Variants in TIA1 observed in about 807,000 individuals in gnomAD.
TIA1 encodes cytotoxic granule associated RNA binding protein TIA1.
TIA1 carries 23 observed loss-of-function variants against 65.9 expected under a neutral mutation model. The ratio of observed to expected loss-of-function variants is 0.35; its 90% CI spans 0.25 to 0.49. TIA1 has a LOEUF of 0.49. Ranked by LOEUF, TIA1 falls within the 20% of genes least tolerant of loss-of-function variation. The pLI is 0.98. For synonymous variants in TIA1, 147 were observed against 149.4 expected (o/e 0.98, Z 0.12); for missense variants, 371 against 477.9 (o/e 0.78, Z 2.09).
chr2:70,241,338 A>G (rs537839463), intron 1 of TIA1, among the ~76,000 whole-genome samples: 2 of 152,166 alleles, frequency 1.3e-5, no homozygotes, highest in African/African-American at 2.4e-5. Context: ...GCTACTAGGG[A>G]GGCCGAGGCA....
At chr2:70,238,260 GTTTTTTTTTT>G (rs763865705) in intron 1 of TIA1, among the ~76,000 whole-genome samples, 3 of 94,596 alleles carry the variant, frequency 3.2e-5, no homozygotes, top group African/African-American at 4.5e-5. Flanking sequence ...GTTCCCCCAA[GTTTTTTTTTT>G]TTTTTTTTTT....
intron 7 of TIA1, among the ~76,000 whole-genome samples, chr2:70,218,993 G>A (rs995001411): frequency 2.0e-5 from 3 of 152,086 alleles, no homozygotes; most frequent in Non-Finnish European, 4.4e-5. Context: ...ATTGAAATGC[G>A]GAGAAAGACT....
In TIA1 at chr2:70,212,772, T is replaced by G; in HGVS notation, c.1108A>C (p.Met370Leu). ...TACCCAGAAGGCTGATTGGGCAACA[T>G]GCTGCCATTTTGCCCTTGAGGCGGT... ...VQPPQGQNGS[M>L]LPNQPSGYRV... The change falls in exon 13 of 13, where the codon ATG (methionine) becomes CTG (leucine). Residue 370 changes from methionine (M) to leucine (L), a missense_variant. Physicochemically the swap from Met to Leu is conservative, Grantham distance 15. Transcript: ENST00000433529. 1 of 1,614,182 alleles carries G rather than the reference T, an allele frequency of 6.2e-7. No homozygotes were observed. The highest frequency in any genetic ancestry group is 8.5e-7 in the Non-Finnish European group (1 of 1,180,012).
chr2:70,240,788 C>T (rs558089267), intron 1 of TIA1, among the ~76,000 whole-genome samples: 1 of 152,210 alleles, frequency 6.6e-6, no homozygotes, highest in African/African-American at 2.4e-5. Context: ...ACAAGAATCA[C>T]TTGAACTTGG....
chr2:70,225,262 T>C, intron 6 of TIA1: 1 of 1,179,766 alleles, frequency 8.5e-7, no homozygotes, highest in South Asian at 1.6e-5. Context: ...TCATATAAAA[T>C]TGATTGGAAC....
chr2:70,241,746 C>T (rs1193475568), intron 1 of TIA1, among the ~76,000 whole-genome samples: 1 of 151,962 alleles, frequency 6.6e-6, no homozygotes, highest in Non-Finnish European at 1.5e-5. Flanking sequence ...TTGAGACCAG[C>T]TAGGGCAACA....
intron 11 of TIA1, 65 bp from the exon 12 acceptor site, chr2:70,214,559 C>A: frequency 2.4e-6 from 3 of 1,254,238 alleles, no homozygotes; most frequent in Non-Finnish European, 3.1e-6. Flanking sequence ...TATGCTGATA[C>A]CACAAATTCT....
At chr2:70,236,830 T>C (rs1429347345) in intron 1 of TIA1, among the ~76,000 whole-genome samples, 2 of 151,994 alleles carry the variant, frequency 1.3e-5, no homozygotes, top group Non-Finnish European at 2.9e-5. Flanking sequence ...CGTTTCACCA[T>C]GTTGCTGAGC....
intron 7 of TIA1, among the ~76,000 whole-genome samples, chr2:70,221,787 T>TA (rs1681496496): frequency 7.0e-6 from 1 of 143,674 alleles, no homozygotes; most frequent in African/African-American, 2.5e-5. Flanking sequence ...ATTGTATACT[T>TA]TAAAAAAAAA....
At chr2:70,229,022 A>T (rs1261473801) in intron 5 of TIA1, 37 bp downstream of exon 5, 4 of 1,552,058 alleles carry the variant, frequency 2.6e-6, no homozygotes, top group Non-Finnish European at 3.5e-6. Flanking sequence ...ATACCCTTTC[A>T]AGAGATTTCA....
Position 70,217,194 on chromosome 2 carries a change from T to TA in TIA1, c.475-201dup, listed in dbSNP as rs1678982840. 4 of 384,536 alleles carry TA rather than the reference T, an allele frequency of 1.0e-5. No individual in the cohort carries two copies. In the Admixed American group the frequency reaches 1.4e-4, roughly 13 times the overall value. 23.8% of individuals were successfully genotyped at this position (384,536 alleles called of 1,614,324 possible). On this transcript the variant is annotated intron_variant, in intron 7 of 12. Coordinates refer to ENST00000433529, the MANE Select transcript of TIA1 (RefSeq NM_022173.4). ...ATTTTATTTTATTTATTTTTTCAGATAGAGTCTCGCTCTGTCACCCAGGAT... is the reference window on the plus strand; with the variant it reads ...ATTTTATTTTATTTATTTTTTCAGATAAGAGTCTCGCTCTGTCACCCAGGAT...
At chr2:70,225,288 C>A in intron 6 of TIA1, 8 of 1,246,434 alleles carry the variant, frequency 6.4e-6, no homozygotes, top group Admixed American at 3.0e-5. Context: ...GATATAAAAG[C>A]AAAATTTTAA....
In TIA1 at chr2:70,211,467, T is replaced by C. The variant is rs963362555; in HGVS notation, c.*1252A>G. ...GGCCTCTGAACATTTAAAAGATGCTTTGCCCAGCTGGTCCTTCAGGCAAAA... is the reference window on the plus strand; with the variant it reads ...GGCCTCTGAACATTTAAAAGATGCTCTGCCCAGCTGGTCCTTCAGGCAAAA... On this transcript the variant is annotated 3_prime_UTR_variant, in exon 13 of 13. Transcript: ENST00000433529. 2 of 152,174 alleles carry C rather than the reference T, an allele frequency of 1.3e-5. No homozygotes were observed. The highest frequency in any genetic ancestry group is 4.8e-5 in the African/African-American group (2 of 41,446). The allele number at this position is 152,174 out of a possible 1,614,324, so 9.4% of individuals were successfully genotyped here.
chr2:70,229,591 T>C (rs1336641244), intron 3 of TIA1, among the ~76,000 whole-genome samples: 3 of 152,150 alleles, frequency 2.0e-5, no homozygotes, highest in Non-Finnish European at 4.4e-5. Flanking sequence ...TCCATTAGCA[T>C]CCAAGCTTGA....
chr2:70,229,429 G>T, intron 3 of TIA1, 111 bp from the exon 4 acceptor site: 1 of 885,236 alleles, frequency 1.1e-6, no homozygotes, highest in Non-Finnish European at 1.8e-6. Context: ...CACTGAAGGA[G>T]ATACCAGCTC....
intron 1 of TIA1, among the ~76,000 whole-genome samples, chr2:70,246,796 G>C (rs1234442227): frequency 6.6e-6 from 1 of 152,080 alleles, no homozygotes; most frequent in Non-Finnish European, 1.5e-5. Flanking sequence ...TGAGGCAGGA[G>C]AATCATTTAA....
Position 70,212,632 on chromosome 2 carries a change from C to G in TIA1, c.*87G>C. The G allele has an allele frequency of 6.3e-6, 5 of 799,064 alleles. No individual in the cohort carries two copies. In the South Asian group the frequency reaches 7.1e-5, roughly 11 times the overall value. 49.5% of individuals were successfully genotyped at this position (799,064 alleles called of 1,614,324 possible). On this transcript the variant is annotated 3_prime_UTR_variant, in exon 13 of 13. Coordinates refer to ENST00000433529, the MANE Select transcript of TIA1 (RefSeq NM_022173.4). ...ACATTGTATCTGACATTTGCACTGACTGATTTGATAAATCTTTAAGTAAAC... is the reference window on the plus strand; with the variant it reads ...ACATTGTATCTGACATTTGCACTGAGTGATTTGATAAATCTTTAAGTAAAC...
chr2:70,213,254 A>G (rs1376257861), intron 12 of TIA1, among the ~76,000 whole-genome samples: 1 of 152,196 alleles, frequency 6.6e-6, no homozygotes, highest in Non-Finnish European at 1.5e-5. Flanking sequence ...CGAAAAAGGA[A>G]CATTATACTA....
chr2:70,233,246 C>G (rs1158644136), intron 2 of TIA1, among the ~76,000 whole-genome samples: 2 of 152,134 alleles, frequency 1.3e-5, no homozygotes, highest in African/African-American at 4.8e-5. Context: ...GTTGGGATTA[C>G]AGGCATCAGT....
Sources: allele counts gnomAD v4.1 joint callset (sites outside exome capture counted in the v4.1 genomes callset), GRCh38; gene constraint gnomAD v4.1.1; transcripts MANE v1.5; gene names NCBI Gene and HGNC (gene_info 2026-07-23, HGNC 2026-07-21).